The following MFHAS1 variants were observed in gnomAD, a reference collection of about 807,000 sequenced individuals.
The protein encoded by MFHAS1 is malignant fibrous histiocytoma-amplified sequence 1.
MFHAS1 carries 50 observed loss-of-function variants against 70.4 expected under a neutral mutation model. The observed-to-expected ratio is 0.71, with a 90% CI of 0.57 to 0.90. MFHAS1 has a LOEUF of 0.90. Among genes scored for constraint, MFHAS1 ranks in the 40% least tolerant of loss-of-function variants. The probability of loss-of-function intolerance (pLI) is 0.00; values close to 1 mark genes in which losing one functional copy is unlikely to be tolerated. For missense variants in MFHAS1, 1,795 were observed against 1,347.6 expected, an observed-to-expected ratio of 1.33 and a Z score of -5.20; for synonymous variants, 952 against 620.0, an observed-to-expected ratio of 1.54 and a Z score of -7.96.
chr8:8,829,239 C>A (rs1260106270), intron 1 of MFHAS1, among the ~76,000 whole-genome samples: 5 of 152,238 alleles, frequency 3.3e-5, no homozygotes, highest in African/African-American at 9.6e-5. Flanking sequence ...CAGATTCCAA[C>A]TCAGTATGTG....
intron 1 of MFHAS1, among the ~76,000 whole-genome samples, chr8:8,840,241 G>A (rs1807762966): frequency 6.6e-6 from 1 of 152,266 alleles, no homozygotes; most frequent in East Asian, 1.9e-4. Context: ...CAGATCACTT[G>A]AGGTCAGGAG....
chr8:8,870,820 C>A (rs1244087908), intron 1 of MFHAS1, among the ~76,000 whole-genome samples: 3 of 152,236 alleles, frequency 2.0e-5, no homozygotes, highest in Non-Finnish European at 4.4e-5. Flanking sequence ...ATGCCCCATG[C>A]TCTGCCCCAT....
chr8:8,821,421 G>A (rs1806952186), intron 1 of MFHAS1, among the ~76,000 whole-genome samples: 1 of 152,220 alleles, frequency 6.6e-6, no homozygotes, highest in Non-Finnish European at 1.5e-5. Flanking sequence ...TCGGCATGGA[G>A]AATAGCATGA....
At position 8,890,081 on chromosome 8, in the gene MFHAS1, G is replaced by C. The variant is rs1246016590; in HGVS notation, c.2978C>G (p.Pro993Arg). Residue 993 changes from proline to arginine, a missense_variant, in exon 1 of 3, where the codon CCC becomes CGC. Coordinates refer to ENST00000276282, the MANE Select transcript of MFHAS1 (RefSeq NM_004225.3). The part of the protein sequence containing the change: ...LCSKCLKRGS[P>R]NPHAFPGELL... ...CTTACCTGGAAAAGCATGTGGATTGGGCGATCCTCTCTTAAGGCACTTAGA... is the reference window on the plus strand; with the variant it reads ...CTTACCTGGAAAAGCATGTGGATTGCGCGATCCTCTCTTAAGGCACTTAGA... 6.2e-7 allele frequency: 1 copy of C among 1,605,988 alleles called. No homozygotes were observed. The highest frequency in any genetic ancestry group is 1.3e-5 in the African/African-American group (1 of 74,924).
chr8:8,892,809 AC>A lies in MFHAS1; in HGVS notation c.249del (p.Ser84ArgfsTer35). 1 of 1,586,312 alleles carries A rather than the reference AC, an allele frequency of 6.3e-7. No homozygotes were observed. Among genetic ancestry groups the A allele is most frequent in the Non-Finnish European group, 8.6e-7 (1 of 1,167,374 alleles). ...NGLEEVPEGL[G>X]SALGSLRVLV... ...AGGACGCGCAGGCTGCCCAGCGCCG[AC>A]CCCAGCCCCTCGGGTACCTCCTCCA... On this transcript the variant is annotated frameshift_variant, in exon 1 of 3. Coordinates refer to ENST00000276282, the MANE Select transcript of MFHAS1 (RefSeq NM_004225.3). LOFTEE classifies it high-confidence loss of function. The surrounding 1 kb of genome is among the most constrained non-coding windows in gnomAD (Gnocchi z 4.7).
rs1284133368 is a variant in MFHAS1, at chr8:8,890,562, G to C, written c.2497C>G (p.Leu833Val). ...AAAGGCTTGCCCTTGGGTTTATTGA[G>C]GCAGTAACAGAGTCCCATCTTCTCC... ...LLEKMGLCYC[L>V]NKPKGKPLNG... Residue 833 changes from leucine (L) to valine (V), a missense_variant, in exon 1 of 3, where the codon CTC (leucine) becomes GTC (valine). Coordinates refer to ENST00000276282, the MANE Select transcript of MFHAS1 (RefSeq NM_004225.3). 1 of 1,613,552 alleles carries C rather than the reference G, an allele frequency of 6.2e-7. No individual in the cohort carries two copies. The highest frequency in any genetic ancestry group is 1.1e-5 in the South Asian group (1 of 91,086).
Position 8,789,706 on chromosome 8 carries a change from A to C in MFHAS1, c.3126-3651T>G, listed in dbSNP as rs955599447. Among the ~76,000 whole-genome samples the C allele has an allele frequency of 2.6e-5, 4 of 152,108 alleles. 1 individual carries two copies. Among genetic ancestry groups the C allele is most frequent in the South Asian group, 4.2e-4 (2 of 4,816 alleles). On this transcript the variant is annotated intron_variant, in intron 2 of 2. Transcript: ENST00000276282. ...TCCTAGGATTAGCCAATTCCTAGAGATGGTAAAACAATTTGCCCGGAGTAT... is the reference window on the plus strand; with the variant it reads ...TCCTAGGATTAGCCAATTCCTAGAGCTGGTAAAACAATTTGCCCGGAGTAT...
intron 1 of MFHAS1, among the ~76,000 whole-genome samples, chr8:8,847,606 A>G (rs987471042): frequency 2.0e-5 from 3 of 152,224 alleles, no homozygotes; most frequent in African/African-American, 7.2e-5. Flanking sequence ...ACTAAGAAAT[A>G]AAAAGAGCCC....
chr8:8,819,823 C>T (rs868591538), intron 1 of MFHAS1, among the ~76,000 whole-genome samples: 3 of 151,974 alleles, frequency 2.0e-5, no homozygotes, highest in South Asian at 4.2e-4. Context: ...CTCAGCCTCC[C>T]GAGTTTCTGA....
chr8:8,866,209 C>T lies in MFHAS1; in HGVS notation c.2998+23852G>A, dbSNP rs569132900. ...AGTAAAATCAGTGTCATTTTGCCTG[C>T]GAAAAGCTCTCTAACTGATCCCTGT... On this transcript the variant is annotated intron_variant, in intron 1 of 2. Transcript: ENST00000276282. Among the ~76,000 whole-genome samples, 4 of 152,110 alleles carry T rather than the reference C, an allele frequency of 2.6e-5. No individual in the cohort carries two copies. In the South Asian group the frequency reaches 6.3e-4, roughly 24 times the overall value.
chr8:8,816,119 T>G (rs1473198484), intron 1 of MFHAS1, among the ~76,000 whole-genome samples: 1 of 151,522 alleles, frequency 6.6e-6, no homozygotes, highest in Non-Finnish European at 1.5e-5. Context: ...TAAGCTGGAG[T>G]GACAGGAAGC....
chr8:8,821,862 T>C, intron 1 of MFHAS1: 1 of 152,234 alleles, frequency 6.6e-6, no homozygotes, highest in East Asian at 1.9e-4. Flanking sequence ...TGATTAACTG[T>C]GGATAAGCCC....
In MFHAS1 at chr8:8,797,366, T is replaced by C. The variant is rs763810619; in HGVS notation, c.3124A>G (p.Lys1042Glu). Reference sequence around the variant, plus strand: ...GCCAGAGGGACTTTGAGAACTCACTTGGAACAGGGGCTGATCACAGTCGGC... The same window carrying C: ...GCCAGAGGGACTTTGAGAACTCACTCGGAACAGGGGCTGATCACAGTCGGC... ...PTPTVISPCS[K>E]KNVGEKHRNQ Residue 1042 changes from lysine to glutamate, a missense_variant and splice_region_variant, in exon 2 of 3, where the codon AAG (lysine) becomes GAG (glutamate). By Grantham distance (56) the Lys-to-Glu change is moderately conservative. Coordinates refer to ENST00000276282, the MANE Select transcript of MFHAS1 (RefSeq NM_004225.3). 8 of 1,613,682 alleles carry C rather than the reference T, an allele frequency of 5.0e-6. No homozygotes were observed. The highest frequency in any genetic ancestry group is 6.8e-6 in the Non-Finnish European group (8 of 1,179,842).
Position 8,891,127 on chromosome 8 carries a change from T to C in MFHAS1, c.1932A>G (p.Ser644=). ...HLRRLRDKLL[S]VAEHREIFPN... is the part of the protein sequence containing the mutation. ...GGAAGATCTCTCGGTGCTCAGCAAC[T>C]GACAGCAACTTGTCCCGAAGGCGTC... The change falls in exon 1 of 3, where the codon TCA becomes TCG. Residue 644 remains serine, a synonymous_variant. Transcript: ENST00000276282. This position sits in a 1 kb window ranked among gnomAD's most constrained non-coding sequence, Gnocchi z 5.4. The C allele has an allele frequency of 6.2e-7, 1 of 1,613,864 alleles. No homozygotes were observed. Among genetic ancestry groups the C allele is most frequent in the Non-Finnish European group, 8.5e-7 (1 of 1,180,024 alleles).
chr8:8,815,849 A>T (rs1806722008), intron 1 of MFHAS1, among the ~76,000 whole-genome samples: 1 of 152,222 alleles, frequency 6.6e-6, no homozygotes, highest in Non-Finnish European at 1.5e-5. Flanking sequence ...AAAGACTTGT[A>T]GCAGCTTCAT....
At chr8:8,817,834 T>A (rs1380957747) in intron 1 of MFHAS1, among the ~76,000 whole-genome samples, 2 of 152,184 alleles carry the variant, frequency 1.3e-5, no homozygotes, top group African/African-American at 4.8e-5. Flanking sequence ...GAGAACCTAA[T>A]GTAATGCTGC....
Position 8,890,106 on chromosome 8 carries a change from A to G in MFHAS1, c.2953T>C (p.Ser985Pro). 6.2e-7 allele frequency: 1 copy of G among 1,613,582 alleles called. No individual in the cohort carries two copies. Among genetic ancestry groups the G allele is most frequent in the Non-Finnish European group, 8.5e-7 (1 of 1,179,712 alleles). ...GLHYTVHILC[S>P]KCLKRGSPNP... ...GGCGATCCTCTCTTAAGGCACTTAG[A>G]ACAGAGAATGTGCACGGTGTAGTGC... The change falls in exon 1 of 3, where the codon TCT (serine) becomes CCT (proline). Residue 985 changes from serine to proline, a missense_variant. Transcript: ENST00000276282.
intron 1 of MFHAS1, among the ~76,000 whole-genome samples, chr8:8,881,832 A>C (rs960212860): frequency 1.4e-5 from 2 of 145,416 alleles, no homozygotes; most frequent in Non-Finnish European, 2.9e-5. Context: ...AAAAAAAAAA[A>C]AAGAAAGCAG....
chr8:8,822,746 G>A (rs572936755), intron 1 of MFHAS1, among the ~76,000 whole-genome samples: 89 of 147,996 alleles, frequency 6.0e-4, no homozygotes, highest in African/African-American at 2.2e-3. Context: ...TGAGGACAGG[G>A]AACCAAGTCA....
Sources: allele counts gnomAD v4.1 joint callset (sites outside exome capture counted in the v4.1 genomes callset), GRCh38; gene constraint gnomAD v4.1.1; non-coding constraint Gnocchi (gnomAD v3.1); transcripts MANE v1.5; gene names NCBI Gene and HGNC (gene_info 2026-07-23, HGNC 2026-07-21).